The following CSGALNACT1 variants were observed in gnomAD, a reference collection of about 807,000 sequenced individuals.
CSGALNACT1 encodes the protein beta4GalNAcT-1.
In CSGALNACT1, 52 loss-of-function variants were observed where a neutral mutation model predicts 51.0. The observed-to-expected ratio is 1.02, with a 90% CI of 0.82 to 1.29. CSGALNACT1 has a LOEUF of 1.29. Ranked by LOEUF, CSGALNACT1 falls within the 50% of genes most tolerant of loss-of-function variation. The pLI is 0.00. For missense variants in CSGALNACT1, 935 were observed against 679.2 expected, an observed-to-expected ratio of 1.38 and a Z score of -4.19; for synonymous variants, 341 against 254.4, an observed-to-expected ratio of 1.34 and a Z score of -3.24.
At chr8:19,639,768 A>G (rs568378165) in intron 1 of CSGALNACT1, among the ~76,000 whole-genome samples, 33 of 152,054 alleles carry the variant, frequency 2.2e-4, no homozygotes, top group African/African-American at 8.0e-4. Context: ...ATGTCATCAT[A>G]AACAAATGGC....
chr8:19,751,884 G>T (rs1189492201), intron 1 of CSGALNACT1, among the ~76,000 whole-genome samples: 1 of 151,936 alleles, frequency 6.6e-6, no homozygotes, highest in Non-Finnish European at 1.5e-5. Flanking sequence ...GCAACCTTTG[G>T]AACTGTGAGT....
At chr8:19,683,774 T>C (rs1222687141), upstream of CSGALNACT1, among the ~76,000 whole-genome samples, 1 of 152,150 alleles carries the variant, frequency 6.6e-6, no homozygotes, top group Non-Finnish European at 1.5e-5. Context: ...TAAGCTTTCA[T>C]AGTGTAATAA....
At chr8:19,647,009 G>T (rs1383814901) in intron 1 of CSGALNACT1, among the ~76,000 whole-genome samples, 1 of 152,006 alleles carries the variant, frequency 6.6e-6, no homozygotes, top group Non-Finnish European at 1.5e-5. Context: ...AAGCTACACG[G>T]CTGAGTGGCT....
intron 4 of CSGALNACT1, among the ~76,000 whole-genome samples, chr8:19,500,919 AG>A (rs2153985192): frequency 6.6e-6 from 1 of 152,320 alleles, no homozygotes; most frequent in Admixed American, 6.5e-5. Flanking sequence ...TGTATCCTCC[AG>A]AGGAGAGGAA....
At chr8:19,681,941 T>C (rs1589485912) in intron 1 of CSGALNACT1, among the ~76,000 whole-genome samples, 1 of 152,204 alleles carries the variant, frequency 6.6e-6, no homozygotes, top group East Asian at 1.9e-4. Flanking sequence ...TACCTGCCAG[T>C]GTCCATTTTC....
chr8:19,419,234 A>G (rs1194112661), intron 7 of CSGALNACT1, among the ~76,000 whole-genome samples: 1 of 152,182 alleles, frequency 6.6e-6, no homozygotes, highest in Non-Finnish European at 1.5e-5. Context: ...ATATCTGCAA[A>G]TATTTCTGAT....
chr8:19,715,447 A>C (rs929065728), intron 1 of CSGALNACT1, among the ~76,000 whole-genome samples: 2 of 152,208 alleles, frequency 1.3e-5, no homozygotes, highest in African/African-American at 4.8e-5. Context: ...TGTTGCTGCA[A>C]AGGACATGAC....
At chr8:19,465,236 G>A (rs1298693981) in intron 4 of CSGALNACT1, among the ~76,000 whole-genome samples, 1 of 152,128 alleles carries the variant, frequency 6.6e-6, no homozygotes, top group South Asian at 2.1e-4. Context: ...AGTGAAATGC[G>A]CCAGTCACAA....
At position 19,415,656 on chromosome 8, in the gene CSGALNACT1, A is replaced by C. The variant is rs571026592; in HGVS notation, c.1227+3000T>G. The stretch of plus-strand genomic sequence containing the variant: ...AAAAATCTTTTGGATTGTAAAACGA[A>C]AACAATTCCTTGCAAGCAAATAAGG... On this transcript the variant is annotated intron_variant, in intron 8 of 9. Coordinates refer to ENST00000454498, the Ensembl canonical transcript of CSGALNACT1. Among the ~76,000 whole-genome samples the C allele has an allele frequency of 9.9e-4, 151 of 152,362 alleles. 1 individual carries two copies. The highest frequency in any genetic ancestry group is 3.5e-3 in the African/African-American group (146 of 41,580).
chr8:19,516,684 A>C (rs575125152), intron 3 of CSGALNACT1, among the ~76,000 whole-genome samples: 11 of 152,176 alleles, frequency 7.2e-5, no homozygotes, highest in Non-Finnish European at 1.6e-4. Context: ...AAGTGTTTCT[A>C]AGTGATTCCA....
At chr8:19,684,003 T>C (rs1228144613), upstream of CSGALNACT1, among the ~76,000 whole-genome samples, 1 of 151,992 alleles carries the variant, frequency 6.6e-6, no homozygotes, top group African/African-American at 2.4e-5. Context: ...CCGTCTATAC[T>C]AAAAATATAA....
chr8:19,489,302 T>C (rs976972685), intron 4 of CSGALNACT1, among the ~76,000 whole-genome samples: 1 of 152,198 alleles, frequency 6.6e-6, no homozygotes, highest in Non-Finnish European at 1.5e-5. Flanking sequence ...AAATCATCAC[T>C]ATCCAATGTT....
chr8:19,505,881 G>A (rs111514169), exon 4 of CSGALNACT1: 69 of 1,601,082 alleles, frequency 4.3e-5, no homozygotes, highest in South Asian at 2.5e-4. Flanking sequence ...CCTCAAAGCC[G>A]GGGCCCCCAC....
At chr8:19,618,798 A>T (rs1391912461) in intron 1 of CSGALNACT1, among the ~76,000 whole-genome samples, 1 of 152,150 alleles carries the variant, frequency 6.6e-6, no homozygotes, top group Non-Finnish European at 1.5e-5. Context: ...TTCTCCAGGC[A>T]CAGCTGCATC....
rs536812687 is a variant in CSGALNACT1 at position 19,454,271 on chromosome 8, A to G, written c.851+4155T>C. On this transcript the variant is annotated intron_variant, in intron 5 of 9. Coordinates refer to ENST00000454498, the Ensembl canonical transcript of CSGALNACT1. ...ACTAAGAACTCAGGAATGGAAAGCT[A>G]TTGGAAGAGGACTGCTGATGAATAC... Among the ~76,000 whole-genome samples the G allele has an allele frequency of 9.2e-5, 14 of 152,364 alleles. 1 individual carries two copies. The South Asian group carries it at 2.9e-3, about 32-fold the overall frequency.
At chr8:19,725,910 C>G (rs79563308) in intron 1 of CSGALNACT1, among the ~76,000 whole-genome samples, 1 of 152,248 alleles carries the variant, frequency 6.6e-6, no homozygotes, top group African/African-American at 2.4e-5. Flanking sequence ...CATTATCACC[C>G]AAAGTCCATA....
intron 3 of CSGALNACT1, among the ~76,000 whole-genome samples, chr8:19,590,900 C>T (rs891303565): frequency 6.6e-6 from 1 of 152,104 alleles, no homozygotes; most frequent in Non-Finnish European, 1.5e-5. Flanking sequence ...ATCTGCCCAC[C>T]TTGGCCTCCC....
intron 3 of CSGALNACT1, among the ~76,000 whole-genome samples, chr8:19,518,819 G>A (rs1029593249): frequency 1.3e-5 from 2 of 152,162 alleles, no homozygotes; most frequent in African/African-American, 4.8e-5. Context: ...GTAGACATCA[G>A]CCACAAGGCA....
chr8:19,640,736 G>T (rs1316092844), intron 1 of CSGALNACT1, among the ~76,000 whole-genome samples: 1 of 152,144 alleles, frequency 6.6e-6, no homozygotes, highest in Non-Finnish European at 1.5e-5. Flanking sequence ...TGACTCGCAT[G>T]CTATAAATTC....
Sources: gnomAD v4.1 joint callset for allele counts (sites outside exome capture counted in the v4.1 genomes callset) on GRCh38, gnomAD v4.1.1 for gene constraint, MANE v1.5 for transcripts, NCBI Gene and HGNC (gene_info 2026-07-23, HGNC 2026-07-21) for gene names.